RBBP8: variants seen among roughly 807,000 people sequenced by gnomAD.
The protein encoded by RBBP8 is DNA endonuclease RBBP8.
A neutral mutation model predicts 108.3 loss-of-function variants in RBBP8; 88 were observed. The ratio of observed to expected loss-of-function variants is 0.81; its 90% CI spans 0.68 to 0.97. The LOEUF (loss-of-function observed/expected upper bound fraction) is 0.97, where lower values mean the gene tolerates loss of function less well. RBBP8 is among the 50% of genes least tolerant of loss of function. The probability of loss-of-function intolerance (pLI) is 0.00; values close to 1 mark genes in which losing one functional copy is unlikely to be tolerated. For missense variants in RBBP8, 1,023 were observed against 1,049.0 expected, an observed-to-expected ratio of 0.98 and a Z score of 0.34; for synonymous variants, 332 against 348.2, an observed-to-expected ratio of 0.95 and a Z score of 0.52.
chr18:22,992,163 A>G (rs976212268), intron 10 of RBBP8, among the ~76,000 whole-genome samples: 1 of 152,200 alleles, frequency 6.6e-6, no homozygotes, highest in African/African-American at 2.4e-5. Context: ...CTCATGATCA[A>G]ATGTCGTAAC....
intron 6 of RBBP8, among the ~76,000 whole-genome samples, chr18:22,981,266 G>A (rs957853638): frequency 7.9e-5 from 12 of 151,980 alleles, no homozygotes; most frequent in Non-Finnish European, 1.3e-4. Flanking sequence ...CACCGCGCCC[G>A]GCCCCAATTT....
chr18:23,017,217 T>C (rs1308908398), intron 17 of RBBP8, among the ~76,000 whole-genome samples: 3 of 151,834 alleles, frequency 2.0e-5, no homozygotes, highest in Non-Finnish European at 4.4e-5. Context: ...AAGCTGGGTG[T>C]GGTGGTGCAC....
intron 18 of RBBP8, among the ~76,000 whole-genome samples, chr18:23,022,668 T>TATAAAAAAAATAAAATAA (rs1555650192): frequency 3.7e-5 from 5 of 136,062 alleles, no homozygotes; most frequent in Admixed American, 1.4e-4. Flanking sequence ...TAAAATAAAA[T>TATAAAAAAAATAAAATAA]AAATAACTGT....
At chr18:23,021,638 A>T (rs1598753609) in intron 17 of RBBP8, among the ~76,000 whole-genome samples, 2 of 152,302 alleles carry the variant, frequency 1.3e-5, no homozygotes, top group East Asian at 3.9e-4. Flanking sequence ...CAACATTCAG[A>T]TCTAAATTAT....
chr18:22,987,719 G>T (rs1037193232), intron 8 of RBBP8, among the ~76,000 whole-genome samples: 1 of 152,188 alleles, frequency 6.6e-6, no homozygotes, highest in South Asian at 2.1e-4. Flanking sequence ...CTGCCAAAGT[G>T]TTGGGATTAC....
At chr18:23,008,875 G>A (rs981096995) in intron 16 of RBBP8, among the ~76,000 whole-genome samples, 14 of 143,462 alleles carry the variant, frequency 9.8e-5, no homozygotes, top group Non-Finnish European at 1.6e-4. Context: ...CTGGGTTCAC[G>A]CCATTCTCCT....
chr18:22,945,039 A>G (rs1027342294), intron 2 of RBBP8, among the ~76,000 whole-genome samples: 1 of 152,074 alleles, frequency 6.6e-6, no homozygotes, highest in Admixed American at 6.6e-5. Flanking sequence ...CTGATTTATA[A>G]CTTGATAGAA....
intron 15 of RBBP8, chr18:23,004,468 C>T (rs1005595366): frequency 3.9e-5 from 6 of 152,238 alleles, no homozygotes; most frequent in African/African-American, 1.5e-4. Flanking sequence ...AAAAGTTGAT[C>T]TCATAGAAGT....
rs762426614 is a variant in RBBP8 at position 23,006,405 on chromosome 18, T to G, written c.2330T>G (p.Val777Gly). The G allele has an allele frequency of 2.5e-6, 4 of 1,613,790 alleles. No homozygotes were observed. Among genetic ancestry groups the G allele is most frequent in the Non-Finnish European group, 3.4e-6 (4 of 1,179,766 alleles). ...KQDKVKQKAF[V>G]EPYFKGDERE... is the part of the protein sequence containing the mutation. ...GACAAAGTCAAGCAGAAAGCGTTTG[T>G]GGAGCCGTATTTTAAAGGTGATGAA... Residue 777 changes from valine to glycine, a missense_variant, in exon 16 of 19, where the codon GTG (valine) becomes GGG (glycine). Coordinates refer to ENST00000327155, the MANE Select transcript of RBBP8 (RefSeq NM_002894.3).
At chr18:22,953,052 G>T (rs1202368739) in intron 4 of RBBP8, among the ~76,000 whole-genome samples, 2 of 152,210 alleles carry the variant, frequency 1.3e-5, no homozygotes, top group African/African-American at 4.8e-5. Context: ...ACACTGAAGA[G>T]ATTTATTGGG....
At chr18:23,010,871 C>T (rs941266868) in intron 16 of RBBP8, among the ~76,000 whole-genome samples, 1 of 152,124 alleles carries the variant, frequency 6.6e-6, no homozygotes, top group Non-Finnish European at 1.5e-5. Flanking sequence ...GCTTTGAGGT[C>T]TACTACAGAT....
intron 4 of RBBP8, among the ~76,000 whole-genome samples, chr18:22,951,040 A>T (rs1290448242): frequency 6.6e-6 from 1 of 152,270 alleles, no homozygotes; most frequent in Admixed American, 6.5e-5. Flanking sequence ...ACTTTCTACA[A>T]CTACCAACTC....
chr18:22,979,502 C>A (rs1914745555), intron 6 of RBBP8, among the ~76,000 whole-genome samples: 1 of 152,040 alleles, frequency 6.6e-6, no homozygotes, highest in Admixed American at 6.5e-5. Context: ...TCTTAAAAAT[C>A]TCTGTTGGTC....
intron 4 of RBBP8, among the ~76,000 whole-genome samples, chr18:22,951,036 T>C (rs1911992135): frequency 6.6e-6 from 1 of 152,262 alleles, no homozygotes; most frequent in African/African-American, 2.4e-5. Context: ...GAGTACTTTC[T>C]ACAACTACCA....
At chr18:22,926,847 T>C (rs999753920) in intron 3 of RBBP8, among the ~76,000 whole-genome samples, 6 of 152,214 alleles carry the variant, frequency 3.9e-5, no homozygotes, top group Non-Finnish European at 7.3e-5. Flanking sequence ...ACCTAGAATA[T>C]TGTCAAAATA....
At chr18:22,937,973 G>T (rs990716005) in intron 2 of RBBP8, among the ~76,000 whole-genome samples, 3 of 151,334 alleles carry the variant, frequency 2.0e-5, no homozygotes, top group African/African-American at 7.3e-5. Flanking sequence ...CTACAGGTGT[G>T]CACCACCACG....
intron 7 of RBBP8, 132 bp from the exon 8 acceptor site, chr18:22,984,754 A>G (rs1166819408): frequency 1.8e-6 from 1 of 550,566 alleles, no homozygotes; most frequent in Admixed American, 3.2e-5. Context: ...TATGTCAATA[A>G]AACAGTACTT....
At chr18:22,964,093 G>A (rs962790703) in intron 4 of RBBP8, among the ~76,000 whole-genome samples, 7 of 152,038 alleles carry the variant, frequency 4.6e-5, no homozygotes, top group Non-Finnish European at 7.4e-5. Context: ...ACACTATTCT[G>A]AGTTTTCTTT....
upstream of RBBP8, among the ~76,000 whole-genome samples, chr18:22,931,612 T>C (rs1041241612): frequency 2.0e-5 from 3 of 152,328 alleles, no homozygotes; most frequent in African/African-American, 7.2e-5. Context: ...GGGCACATAG[T>C]ATATATCTGA....
Sources: allele counts gnomAD v4.1 joint callset (sites outside exome capture counted in the v4.1 genomes callset), GRCh38; gene constraint gnomAD v4.1.1; transcripts MANE v1.5; gene names NCBI Gene and HGNC (gene_info 2026-07-23, HGNC 2026-07-21).